THSD4: variants seen among roughly 807,000 people sequenced by gnomAD.
THSD4 encodes the protein thrombospondin type-1 domain-containing protein 4.
THSD4 carries 69 observed loss-of-function variants against 119.0 expected under a neutral mutation model. That is an observed-to-expected ratio of 0.58 (90% CI 0.48 to 0.71). THSD4 has a LOEUF of 0.71. Among genes scored for constraint, THSD4 ranks in the 30% least tolerant of loss-of-function variants. THSD4 has a pLI of 0.00. For synonymous variants in THSD4, 524 were observed against 540.4 expected (o/e 0.97, Z 0.42); for missense variants, 1,393 against 1,391.1 (o/e 1.00, Z -0.02).
intron 7 of THSD4, among the ~76,000 whole-genome samples, chr15:71,530,177 G>A (rs1041360321): frequency 2.0e-5 from 3 of 152,056 alleles, no homozygotes; most frequent in Non-Finnish European, 4.4e-5. Context: ...GAAAATGAAC[G>A]AGTTCTGTAT....
At chr15:71,372,347 G>A (rs2046064761) in intron 6 of THSD4, among the ~76,000 whole-genome samples, 1 of 152,252 alleles carries the variant, frequency 6.6e-6, no homozygotes, top group Non-Finnish European at 1.5e-5. Context: ...TGGAGGGGGA[G>A]AGGCACTCTG....
At chr15:71,153,985 G>C (rs185409338) in intron 2 of THSD4, among the ~76,000 whole-genome samples, 2 of 152,252 alleles carry the variant, frequency 1.3e-5, no homozygotes, top group East Asian at 3.9e-4. Context: ...AAAGATCTAG[G>C]TTTTCCTCTG....
At chr15:71,518,759 C>T (rs181874956) in intron 7 of THSD4, among the ~76,000 whole-genome samples, 127 of 152,186 alleles carry the variant, frequency 8.3e-4, no homozygotes, top group African/African-American at 2.9e-3. Flanking sequence ...TGTCAGAGCT[C>T]GGATTCAAAC....
chr15:71,267,249 T>C (rs1278894094), intron 6 of THSD4, among the ~76,000 whole-genome samples: 1 of 152,222 alleles, frequency 6.6e-6, no homozygotes, highest in African/African-American at 2.4e-5. Context: ...CCCATCAGGC[T>C]AACAGCGGAT....
Position 71,296,040 on chromosome 15 carries a change from CAT to C in THSD4, c.1015+39326_1015+39327del, listed in dbSNP as rs571769771. Among the ~76,000 whole-genome samples, 1,129 of 152,290 alleles carry C rather than the reference CAT, an allele frequency of 7.4e-3. 10 individuals carry two copies. Among genetic ancestry groups the C allele is most frequent in the Non-Finnish European group, 0.011 (740 of 68,030 alleles). On this transcript the variant is annotated intron_variant, in intron 6 of 17. Coordinates refer to ENST00000261862, the MANE Select transcript of THSD4 (RefSeq NM_024817.3). ...AATATGGCAATTGTATGATATGTCA[CAT>C]GTTATTTATCTACTTATCAGTTGAT...
chr15:71,345,224 A>C (rs2045638672), intron 6 of THSD4, among the ~76,000 whole-genome samples: 1 of 151,232 alleles, frequency 6.6e-6, no homozygotes, highest in Non-Finnish European at 1.5e-5. Context: ...GTAGGGGGCA[A>C]AGGGAAGGAT....
intron 7 of THSD4, among the ~76,000 whole-genome samples, chr15:71,482,852 G>T (rs1175615377): frequency 6.6e-6 from 1 of 152,134 alleles, no homozygotes; most frequent in African/African-American, 2.4e-5. Context: ...CTCCCAGAGT[G>T]CTGGGATTAC....
At chr15:71,661,144 A>G (rs953283351) in intron 8 of THSD4, among the ~76,000 whole-genome samples, 1 of 152,170 alleles carries the variant, frequency 6.6e-6, no homozygotes, top group African/African-American at 2.4e-5. Flanking sequence ...CTGGAGGTCT[A>G]AAGCGAAGCC....
At chr15:71,214,949 T>C in intron 3 of THSD4, 86 bp from the exon 4 acceptor site, 1 of 1,212,020 alleles carries the variant, frequency 8.3e-7, no homozygotes, top group Middle Eastern at 3.4e-4. Context: ...TACTTGTGCC[T>C]GATGGATAAG....
intron 7 of THSD4, among the ~76,000 whole-genome samples, chr15:71,518,969 T>C (rs2048399757): frequency 6.6e-6 from 1 of 152,196 alleles, no homozygotes; most frequent in Non-Finnish European, 1.5e-5. Flanking sequence ...TAATATAACA[T>C]TTTTAAACAA....
At chr15:71,522,072 T>G (rs1426816166) in intron 7 of THSD4, among the ~76,000 whole-genome samples, 1 of 152,180 alleles carries the variant, frequency 6.6e-6, no homozygotes, top group Non-Finnish European at 1.5e-5. Context: ...TTTCACCCTT[T>G]TACACCTGAT....
At chr15:71,369,619 C>G (rs1374166992) in intron 6 of THSD4, among the ~76,000 whole-genome samples, 1 of 152,060 alleles carries the variant, frequency 6.6e-6, no homozygotes, top group East Asian at 1.9e-4. Context: ...GCCTTGCATC[C>G]CAGGGATGAA....
At chr15:71,199,553 T>G (rs1275274143) in intron 3 of THSD4, among the ~76,000 whole-genome samples, 5 of 136,246 alleles carry the variant, frequency 3.7e-5, no homozygotes, top group African/African-American at 1.5e-4. Flanking sequence ...ATGTGTGGTG[T>G]GTGTATGTGG....
rs779647350 is a variant in THSD4 at position 71,746,911 on chromosome 15, C to T, written c.2110C>T (p.Arg704Cys). 31 of 1,613,920 alleles carry T rather than the reference C, an allele frequency of 1.9e-5. No individual in the cohort carries two copies. Among genetic ancestry groups the T allele is most frequent in the Admixed American group, 3.3e-5 (2 of 60,004 alleles). Residue 704 changes from arginine (R) to cysteine (C), a missense_variant, in exon 13 of 18, where the codon CGC becomes TGC. Physicochemically the swap from Arg to Cys is radical, Grantham distance 180. Coordinates refer to ENST00000261862, the MANE Select transcript of THSD4 (RefSeq NM_024817.3). Reference sequence around the variant, plus strand: ...CATGCAGCACCGCCAGGTTCTGTGCCGCCAGGTGTACGCCAACCGCAGCCT... The same window carrying T: ...CATGCAGCACCGCCAGGTTCTGTGCTGCCAGGTGTACGCCAACCGCAGCCT... ...LGMQHRQVLC[R>C]QVYANRSLTV... is the part of the protein sequence containing the mutation.
intron 6 of THSD4, among the ~76,000 whole-genome samples, chr15:71,277,048 G>A (rs116768701): frequency 0.017 from 2,613 of 151,242 alleles, 88 homozygotes; most frequent in African/African-American, 0.061. Context: ...TGTATTTCCT[G>A]TCTGCATCTG....
intron 7 of THSD4, among the ~76,000 whole-genome samples, chr15:71,581,077 A>C (rs980561217): frequency 1.6e-4 from 25 of 152,128 alleles, no homozygotes; most frequent in African/African-American, 5.6e-4. Context: ...ATATATACTC[A>C]GAAGAGGGAT....
chr15:71,403,044 G>A (rs938129510), intron 6 of THSD4, among the ~76,000 whole-genome samples: 9 of 152,142 alleles, frequency 5.9e-5, no homozygotes, highest in African/African-American at 7.2e-5. Flanking sequence ...TACGCATTTC[G>A]TCTTGAAGAA....
intron 7 of THSD4, among the ~76,000 whole-genome samples, chr15:71,553,387 G>A (rs574070150): frequency 6.0e-5 from 9 of 150,042 alleles, no homozygotes; most frequent in Non-Finnish European, 1.2e-4. Context: ...GTGCAATGGC[G>A]TGATCTCGGC....
At chr15:71,360,953 C>T (rs1398851068) in intron 6 of THSD4, among the ~76,000 whole-genome samples, 3 of 152,162 alleles carry the variant, frequency 2.0e-5, no homozygotes, top group Non-Finnish European at 4.4e-5. Context: ...GTATACCATA[C>T]AATTTGGGTT....
Sources: allele counts gnomAD v4.1 joint callset (sites outside exome capture counted in the v4.1 genomes callset), GRCh38; gene constraint gnomAD v4.1.1; transcripts MANE v1.5; gene names NCBI Gene and HGNC (gene_info 2026-07-23, HGNC 2026-07-21).